PTPN3: variants seen among roughly 807,000 people sequenced by gnomAD.
PTPN3 encodes the protein protein tyrosine phosphatase non-receptor type 3.
In PTPN3, 96 loss-of-function variants were observed where a neutral mutation model predicts 132.7. The ratio of observed to expected loss-of-function variants is 0.72; its 90% confidence interval spans 0.61 to 0.86. PTPN3 has a LOEUF of 0.86. PTPN3 is among the 40% of genes least tolerant of loss of function. The pLI is 0.00. For missense variants in PTPN3, 1,125 were observed against 1,159.6 expected (o/e 0.97, Z 0.43); for synonymous variants, 398 against 429.0 (o/e 0.93, Z 0.89).
chr9:109,458,004 C>T (rs537406901), intron 2 of PTPN3, among the ~76,000 whole-genome samples: 3 of 152,332 alleles, frequency 2.0e-5, no homozygotes, highest in African/African-American at 7.2e-5. Context: ...TTCAACCACA[C>T]GCCTCTTCAG....
upstream of PTPN3, among the ~76,000 whole-genome samples, chr9:109,503,193 C>T (rs1847880990): frequency 6.6e-6 from 1 of 152,144 alleles, no homozygotes; most frequent in South Asian, 2.1e-4. Context: ...GAAGCCCACC[C>T]TGCCTACCGA....
At chr9:109,518,549 T>G in the PTPN3 span, among the ~76,000 whole-genome samples, 19 of 152,258 alleles carry the variant, frequency 1.2e-4, no homozygotes, top group Admixed American at 2.6e-4. Flanking sequence ...CATCTCCCAA[T>G]CACCGTAATT....
chr9:109,453,869 G>A (rs2132018634), intron 5 of PTPN3, among the ~76,000 whole-genome samples: 1 of 147,054 alleles, frequency 6.8e-6, no homozygotes, highest in South Asian at 2.1e-4. Context: ...AAAAAAATTA[G>A]CCAGGCATGG....
rs1030577802 is a variant in PTPN3, at chr9:109,391,233, G to A, written c.2045-34C>T. The A allele has an allele frequency of 5.0e-6, 8 of 1,586,224 alleles. No homozygotes were observed. In the East Asian group the frequency reaches 1.1e-4, roughly 22 times the overall value. On this transcript the variant is annotated intron_variant, in intron 20 of 25. Coordinates refer to ENST00000374541, the MANE Select transcript of PTPN3 (RefSeq NM_002829.4). ...AAGAGAAAAATTTACCGATTATTCC[G>A]AGCATTATTTTTATCATACCAAGTA... is the stretch of plus-strand genomic sequence containing the variant.
intron 2 of PTPN3, among the ~76,000 whole-genome samples, chr9:109,462,063 G>A (rs1845868875): frequency 6.6e-6 from 1 of 152,214 alleles, no homozygotes; most frequent in South Asian, 2.1e-4. Flanking sequence ...ATGATGCCCT[G>A]ACACTGGGGA....
the PTPN3 span, chr9:109,533,587 G>C: frequency 1.9e-6 from 3 of 1,584,660 alleles, no homozygotes; most frequent in South Asian, 3.4e-5. Flanking sequence ...GGCGAGGAGG[G>C]CCCCTGCGGA....
the PTPN3 span, among the ~76,000 whole-genome samples, chr9:109,530,039 A>G: frequency 6.6e-6 from 1 of 152,160 alleles, no homozygotes; most frequent in Non-Finnish European, 1.5e-5. Context: ...GCGAGCCACC[A>G]TGTCTAGCAC....
chr9:109,438,417 C>G (rs1033243414), intron 7 of PTPN3, among the ~76,000 whole-genome samples, 183 bp from the exon 8 acceptor site: 1 of 152,222 alleles, frequency 6.6e-6, no homozygotes, highest in African/African-American at 2.4e-5. Context: ...TGAGCCTTCA[C>G]TATAGGCTAA....
intron 14 of PTPN3, 41 bp downstream of exon 14, chr9:109,420,383 A>G (rs1842808280): frequency 1.3e-6 from 2 of 1,545,806 alleles, no homozygotes; most frequent in South Asian, 1.2e-5. Flanking sequence ...GCAACAGCCA[A>G]AAAGCAAATA....
At chr9:109,431,171 G>C (rs1843637077) in intron 10 of PTPN3, among the ~76,000 whole-genome samples, 1 of 152,220 alleles carries the variant, frequency 6.6e-6, no homozygotes, top group Non-Finnish European at 1.5e-5. Context: ...AGGACTGTGG[G>C]TGAGCCTGGG....
Position 109,454,479 on chromosome 9 carries a change from T to A in PTPN3, c.368+17A>T, listed in dbSNP as rs1164668076. 13 of 1,603,004 alleles carry A rather than the reference T, an allele frequency of 8.1e-6. No homozygotes were observed. Among genetic ancestry groups the A allele is most frequent in the Non-Finnish European group, 1.1e-5 (13 of 1,172,472 alleles). On this transcript the variant is annotated intron_variant, in intron 5 of 25. Coordinates refer to ENST00000374541, the MANE Select transcript of PTPN3 (RefSeq NM_002829.4). ...TTTTTATACACTAAACAGAAAACTT[T>A]AAAAAAATGTTGTTACCTGGTTTGT... is the stretch of plus-strand genomic sequence containing the variant.
At chr9:109,484,642 C>T (rs542590887) in intron 1 of PTPN3, among the ~76,000 whole-genome samples, 83 of 152,274 alleles carry the variant, frequency 5.5e-4, no homozygotes, top group South Asian at 2.5e-3. Context: ...ACTTCAGAGG[C>T]GACAGGAGGG....
intron 19 of PTPN3, among the ~76,000 whole-genome samples, 180 bp from the exon 20 acceptor site, chr9:109,391,741 C>G (rs1731472557): frequency 1.1e-5 from 1 of 90,976 alleles, no homozygotes; most frequent in South Asian, 4.6e-4. Flanking sequence ...TGACTAAACT[C>G]TTTAATAATT....
chr9:109,522,484 T>G, the PTPN3 span, among the ~76,000 whole-genome samples: 1 of 152,214 alleles, frequency 6.6e-6, no homozygotes, highest in East Asian at 1.9e-4. Flanking sequence ...TGCTGCACAT[T>G]GTAGCATCCA....
chr9:109,389,224 GC>G lies in PTPN3; in HGVS notation c.2253+8del, dbSNP rs540589939. ...TGCACACATCTGAATTAGAAATCAA[GC>G]TACTTACCCGCCCTCGTTCTGTGAG... is the stretch of plus-strand genomic sequence containing the variant. On this transcript the variant is annotated splice_region_variant and intron_variant, in intron 22 of 25. Coordinates refer to ENST00000374541, the MANE Select transcript of PTPN3 (RefSeq NM_002829.4). 736 of 1,613,828 alleles carry G rather than the reference GC, an allele frequency of 4.6e-4. 2 individuals are homozygous for G. Among genetic ancestry groups the G allele is most frequent in the South Asian group, 1.1e-3 (99 of 90,974 alleles).
chr9:109,393,025 G>T (rs1223648745), intron 19 of PTPN3: 1 of 152,136 alleles, frequency 6.6e-6, no homozygotes, highest in Non-Finnish European at 1.5e-5. Context: ...TATGTTCTAT[G>T]AATCTCTAAC....
At chr9:109,388,580 T>A (rs774871321) in intron 22 of PTPN3, among the ~76,000 whole-genome samples, 2 of 150,982 alleles carry the variant, frequency 1.3e-5, no homozygotes, top group Non-Finnish European at 3.0e-5. Flanking sequence ...GCCATAGGAG[T>A]GGCTGGAGGA....
intron 2 of PTPN3, among the ~76,000 whole-genome samples, chr9:109,461,816 C>A (rs572447032): frequency 1.3e-5 from 2 of 152,030 alleles, no homozygotes; most frequent in Non-Finnish European, 2.9e-5. Context: ...TTGCCACATG[C>A]GGCTGGGGGG....
At chr9:109,462,093 C>A (rs551142871) in intron 2 of PTPN3, among the ~76,000 whole-genome samples, 1 of 152,222 alleles carries the variant, frequency 6.6e-6, no homozygotes, top group Non-Finnish European at 1.5e-5. Context: ...GGCCTGGGTG[C>A]TCGTGGAAGA....
Sources: allele counts gnomAD v4.1 joint callset (sites outside exome capture counted in the v4.1 genomes callset), GRCh38; gene constraint gnomAD v4.1.1; transcripts MANE v1.5; gene names NCBI Gene and HGNC (gene_info 2026-07-23, HGNC 2026-07-21).